SGCZ: variants seen among roughly 807,000 people sequenced by gnomAD.
SGCZ encodes sarcoglycan zeta.
Under a neutral mutation model 41.3 loss-of-function variants are expected in SGCZ, and 40 were observed. The ratio of observed to expected loss-of-function variants is 0.97; its 90% CI spans 0.75 to 1.26. SGCZ has a LOEUF of 1.26. Among genes scored for constraint, SGCZ ranks in the 50% most tolerant of loss-of-function variants. The probability of loss-of-function intolerance (pLI) is 0.00; values close to 1 mark genes in which losing one functional copy is unlikely to be tolerated. For synonymous variants in SGCZ, 206 were observed against 137.5 expected, an observed-to-expected ratio of 1.50 and a Z score of -3.49; for missense variants, 552 against 369.8, an observed-to-expected ratio of 1.49 and a Z score of -4.04.
At chr8:15,029,651 C>T (rs934711655) in intron 1 of SGCZ, among the ~76,000 whole-genome samples, 1 of 152,078 alleles carries the variant, frequency 6.6e-6, no homozygotes, top group Admixed American at 6.6e-5. Flanking sequence ...TGAGGATTTA[C>T]AGACCAATCC....
chr8:14,822,767 T>C (rs943706748), intron 1 of SGCZ, among the ~76,000 whole-genome samples: 13 of 151,702 alleles, frequency 8.6e-5, no homozygotes, highest in Admixed American at 2.0e-4. Context: ...AAAAAAGATA[T>C]CCACATTAAG....
At chr8:15,168,919 G>A (rs1335835056) in intron 1 of SGCZ, among the ~76,000 whole-genome samples, 1 of 152,194 alleles carries the variant, frequency 6.6e-6, no homozygotes, top group Non-Finnish European at 1.5e-5. Flanking sequence ...GCAAAAGGCT[G>A]AAGTTTTTTT....
At chr8:14,530,445 T>C (rs1803091560) in intron 2 of SGCZ, among the ~76,000 whole-genome samples, 2 of 152,102 alleles carry the variant, frequency 1.3e-5, no homozygotes, top group Admixed American at 1.3e-4. Context: ...TTTCATTAGA[T>C]TGATCAAGTA....
chr8:14,703,071 A>T (rs1485077595), intron 1 of SGCZ, among the ~76,000 whole-genome samples: 1 of 151,948 alleles, frequency 6.6e-6, no homozygotes, highest in Non-Finnish European at 1.5e-5. Context: ...TGGACTGTTA[A>T]CTTGTTTCCA....
intron 1 of SGCZ, among the ~76,000 whole-genome samples, chr8:15,139,292 T>C (rs1808231069): frequency 1.3e-5 from 2 of 152,194 alleles, no homozygotes; most frequent in Non-Finnish European, 2.9e-5. Context: ...ATAAACAACA[T>C]GTATCAGTCA....
chr8:14,410,225 C>A (rs746581674), intron 2 of SGCZ, among the ~76,000 whole-genome samples: 11 of 152,174 alleles, frequency 7.2e-5, no homozygotes, highest in African/African-American at 1.9e-4. Context: ...TTCCCTCCTC[C>A]CTTTCCTTCT....
chr8:14,276,992 G>C (rs1800258316), intron 3 of SGCZ, among the ~76,000 whole-genome samples: 2 of 152,166 alleles, frequency 1.3e-5, no homozygotes, highest in South Asian at 2.1e-4. Flanking sequence ...GCTCAGACCT[G>C]CTCCCACACT....
chr8:14,413,462 T>C (rs549734883), intron 2 of SGCZ, among the ~76,000 whole-genome samples: 78 of 152,136 alleles, frequency 5.1e-4, no homozygotes, highest in South Asian at 1.2e-3. Context: ...TTAAGATTTC[T>C]GTCGTAAGTG....
chr8:14,126,190 G>C (rs1802853616), intron 5 of SGCZ, among the ~76,000 whole-genome samples: 1 of 152,144 alleles, frequency 6.6e-6, no homozygotes, highest in Admixed American at 6.6e-5. Flanking sequence ...AGAGTGAACA[G>C]GCAACCTACA....
chr8:14,701,317 T>G (rs1345816015), intron 1 of SGCZ, among the ~76,000 whole-genome samples: 1 of 151,962 alleles, frequency 6.6e-6, no homozygotes, highest in Non-Finnish European at 1.5e-5. Context: ...CTTATAAAAA[T>G]AAACCATACT....
intron 3 of SGCZ, among the ~76,000 whole-genome samples, chr8:14,263,198 T>C (rs568277139): frequency 1.3e-4 from 20 of 152,298 alleles, no homozygotes; most frequent in Middle Eastern, 3.4e-3. Context: ...AATAAAAGTA[T>C]AGTAGTTTAT....
intron 1 of SGCZ, among the ~76,000 whole-genome samples, chr8:15,107,410 C>T (rs996201506): frequency 3.3e-5 from 5 of 152,162 alleles, no homozygotes; most frequent in African/African-American, 9.7e-5. Context: ...TAATAACCTC[C>T]TTCAGGGTGA....
At chr8:14,559,191 T>C (rs890154435) in intron 1 of SGCZ, among the ~76,000 whole-genome samples, 1 of 152,042 alleles carries the variant, frequency 6.6e-6, no homozygotes, top group Admixed American at 6.6e-5. Flanking sequence ...AGTCAAACTG[T>C]CACTGTTTGC....
At chr8:14,594,006 T>A (rs7815975) in intron 1 of SGCZ, among the ~76,000 whole-genome samples, 1 of 151,190 alleles carries the variant, frequency 6.6e-6, no homozygotes, top group African/African-American at 2.4e-5. Flanking sequence ...GAAACCCTGC[T>A]TCTTCTAAAA....
At chr8:14,471,024 T>C (rs994993789) in intron 2 of SGCZ, among the ~76,000 whole-genome samples, 30 of 152,314 alleles carry the variant, frequency 2.0e-4, no homozygotes, top group Admixed American at 9.8e-4. Flanking sequence ...GAAAACCTGC[T>C]TTCATTTATT....
chr8:14,317,573 TAA>T (rs58416066), intron 3 of SGCZ, among the ~76,000 whole-genome samples: 1,799 of 151,998 alleles, frequency 0.012, 37 homozygotes, highest in African/African-American at 0.036. Flanking sequence ...TGAAAATCTA[TAA>T]ACTTAGACAA....
chr8:14,786,742 C>T lies in SGCZ; in HGVS notation c.40-231816G>A, dbSNP rs1456976069. ...ATATCTAAAGGGAATCATGAAATTACAATGAATATGTCATAAATTAGAAGC... is the reference window on the plus strand; with the variant it reads ...ATATCTAAAGGGAATCATGAAATTATAATGAATATGTCATAAATTAGAAGC... On this transcript the variant is annotated intron_variant, in intron 1 of 7. Transcript: ENST00000382080. 2.7e-5 allele frequency among the ~76,000 whole-genome samples: 4 copies of T among 149,014 alleles called. No individual in the cohort carries two copies. In the East Asian group the frequency reaches 8.0e-4, roughly 30 times the overall value.
At chr8:15,052,677 A>C (rs910600976) in intron 1 of SGCZ, among the ~76,000 whole-genome samples, 1 of 152,184 alleles carries the variant, frequency 6.6e-6, no homozygotes, top group African/African-American at 2.4e-5. Flanking sequence ...AAGAAAAAAA[A>C]ATTAAGACTT....
At position 15,116,886 on chromosome 8, in the gene SGCZ, A is replaced by G. The variant is rs143291313; in HGVS notation, c.39+120699T>C. ...TCGGTGTTCTAGAAATGGTTCAACT[A>G]CAATCACAGATACGTATTTTAGGGA... On this transcript the variant is annotated intron_variant, in intron 1 of 7. Transcript: ENST00000382080. Among the ~76,000 whole-genome samples, 30 of 152,360 alleles carry G rather than the reference A, an allele frequency of 2.0e-4. No individual in the cohort carries two copies. In the South Asian group the frequency reaches 2.3e-3, roughly 12 times the overall value.
Sources: allele counts gnomAD v4.1 joint callset (sites outside exome capture counted in the v4.1 genomes callset), GRCh38; gene constraint gnomAD v4.1.1; transcripts MANE v1.5; gene names NCBI Gene and HGNC (gene_info 2026-07-23, HGNC 2026-07-21).